Variants in ANKH observed in about 807,000 individuals in gnomAD.
ANKH encodes mineralization regulator ANKH.
In ANKH, 15 loss-of-function variants were observed where a neutral mutation model predicts 49.0. The ratio of observed to expected loss-of-function variants is 0.31; its 90% CI spans 0.20 to 0.47. ANKH has a LOEUF of 0.47. Among genes scored for constraint, ANKH ranks in the 20% least tolerant of loss-of-function variants. The pLI, the probability that ANKH is intolerant of heterozygous loss-of-function variation, is 1.00. For synonymous variants in ANKH, 273 were observed against 260.0 expected (o/e 1.05, Z -0.48); for missense variants, 429 against 652.0 (o/e 0.66, Z 3.72).
chr5:14,717,376 CAGA>C (rs1737509568), intron 8 of ANKH, among the ~76,000 whole-genome samples: 1 of 152,146 alleles, frequency 6.6e-6, no homozygotes, highest in African/African-American at 2.4e-5. Flanking sequence ...GAGACAGCAA[CAGA>C]ATGTGGAACT....
At chr5:14,870,907 T>A (rs895119772) in intron 1 of ANKH, 22 of 353,268 alleles carry the variant, frequency 6.2e-5, no homozygotes, top group Non-Finnish European at 1.1e-4. Context: ...ACGAAACAAA[T>A]GTTTAAAAAT....
At chr5:14,808,428 T>A (rs758190183) in intron 1 of ANKH, among the ~76,000 whole-genome samples, 8 of 152,176 alleles carry the variant, frequency 5.3e-5, no homozygotes, top group Non-Finnish European at 8.8e-5. Context: ...TCCTACTCAT[T>A]CTCATCACTT....
rs574451948 is a variant in ANKH at position 14,858,519 on chromosome 5, A to G, written c.96+12833T>C. Among the ~76,000 whole-genome samples the G allele has an allele frequency of 3.3e-5, 5 of 152,196 alleles. No homozygotes were observed. The South Asian group carries it at 1.0e-3, about 32-fold the overall frequency. On this transcript the variant is annotated intron_variant, in intron 1 of 11. Transcript: ENST00000284268. ...GATCACAAGGTCAGGAGTTTGAGAT[A>G]AGCCTGGCCAGCATGGCGAAACCCC...
At position 14,713,919 on chromosome 5, in the gene ANKH, C is replaced by T. The variant is rs986849822; in HGVS notation, c.1142-252G>A. 1.3e-5 allele frequency among the ~76,000 whole-genome samples: 2 copies of T among 152,262 alleles called. No individual in the cohort carries two copies. The highest frequency in any genetic ancestry group is 2.4e-5 in the African/African-American group (1 of 41,480). ...CTGGGACCAGGCAGGCTCCTTTCTC[C>T]ACTGGGACAGCATCTTCCAGGCAGC... On this transcript the variant is annotated intron_variant, in intron 9 of 11. Transcript: ENST00000284268. The surrounding 1 kb of genome is among the most constrained non-coding windows in gnomAD (Gnocchi z 4.4).
At chr5:14,761,711 G>A (rs548969781) in intron 2 of ANKH, among the ~76,000 whole-genome samples, 2 of 147,994 alleles carry the variant, frequency 1.4e-5, no homozygotes, top group South Asian at 4.3e-4. Context: ...GTAAATCAAT[G>A]AGTATTCCCG....
At chr5:14,863,965 A>C (rs1580125342) in intron 1 of ANKH, among the ~76,000 whole-genome samples, 1 of 152,178 alleles carries the variant, frequency 6.6e-6, no homozygotes, top group South Asian at 2.1e-4. Context: ...CTGTAATCCC[A>C]ACAGTTTGGG....
At chr5:14,747,888 G>C (rs367613229) in intron 6 of ANKH, among the ~76,000 whole-genome samples, 2 of 152,042 alleles carry the variant, frequency 1.3e-5, no homozygotes, top group African/African-American at 4.8e-5. Context: ...CCTCTCCCAC[G>C]GCTCCCCTTC....
At chr5:14,815,231 A>C (rs1390352345) in intron 1 of ANKH, among the ~76,000 whole-genome samples, 1 of 152,210 alleles carries the variant, frequency 6.6e-6, no homozygotes, top group Non-Finnish European at 1.5e-5. Flanking sequence ...GATGTCTTCA[A>C]GAGACCACAG....
chr5:14,743,654 T>C (rs1269902679), intron 7 of ANKH, among the ~76,000 whole-genome samples: 1 of 152,190 alleles, frequency 6.6e-6, no homozygotes, highest in African/African-American at 2.4e-5. Context: ...ATGCAGCAAA[T>C]TCTGGAAGTC....
chr5:14,804,101 G>A (rs1027276496), intron 1 of ANKH, among the ~76,000 whole-genome samples: 2 of 152,108 alleles, frequency 1.3e-5, no homozygotes, highest in African/African-American at 2.4e-5. Flanking sequence ...TCACCATGTT[G>A]GCCAGGCTGG....
intron 1 of ANKH, among the ~76,000 whole-genome samples, chr5:14,841,414 A>T (rs573389822): frequency 6.6e-6 from 1 of 151,994 alleles, no homozygotes. Flanking sequence ...CTCCTGCCTC[A>T]GCCTCCCAAG....
chr5:14,759,812 A>AG (rs771775587), intron 2 of ANKH, among the ~76,000 whole-genome samples: 1 of 124,456 alleles, frequency 8.0e-6, no homozygotes, highest in South Asian at 3.1e-4. Context: ...AGGGAAGGGG[A>AG]GGGAAAAAAA....
intron 1 of ANKH, among the ~76,000 whole-genome samples, chr5:14,854,175 A>C (rs182806218): frequency 6.6e-5 from 10 of 152,378 alleles, no homozygotes; most frequent in Admixed American, 3.3e-4. Context: ...TAGCATTTGC[A>C]GGTAGGAAAA....
intron 1 of ANKH, among the ~76,000 whole-genome samples, chr5:14,778,638 C>T (rs1739708720): frequency 6.6e-6 from 1 of 152,208 alleles, no homozygotes; most frequent in African/African-American, 2.4e-5. Context: ...AAGCTTGTCA[C>T]TCTCTCGACT....
chr5:14,746,885 T>C (rs1057384893), intron 6 of ANKH, among the ~76,000 whole-genome samples: 1 of 152,206 alleles, frequency 6.6e-6, no homozygotes, highest in East Asian at 1.9e-4. Context: ...AAGTGTAGGC[T>C]ATGAAGATGG....
At chr5:14,772,715 C>T (rs970367755) in intron 1 of ANKH, among the ~76,000 whole-genome samples, 5 of 152,298 alleles carry the variant, frequency 3.3e-5, no homozygotes, top group Non-Finnish European at 7.4e-5. Flanking sequence ...CAATTAATTC[C>T]CTTTGGCCTT....
At chr5:14,793,360 C>T (rs900681711) in intron 1 of ANKH, among the ~76,000 whole-genome samples, 2 of 151,812 alleles carry the variant, frequency 1.3e-5, no homozygotes, top group Admixed American at 6.6e-5. Context: ...GACCTAACCC[C>T]TAAATGTTCC....
At chr5:14,794,336 T>C (rs977495077) in intron 1 of ANKH, among the ~76,000 whole-genome samples, 5 of 152,222 alleles carry the variant, frequency 3.3e-5, no homozygotes, top group East Asian at 1.9e-4. Flanking sequence ...GATGTAACTA[T>C]AGTGGGGACC....
In ANKH at chr5:14,783,323, CACACACA is replaced by C. The variant is rs1739867629; in HGVS notation, c.97-14139_97-14133del. ...ACACACACACACACACACACACACA[CACACACA>C]CCACACATGGAGATAGGAATCTCAG... On this transcript the variant is annotated intron_variant, in intron 1 of 11. Coordinates refer to ENST00000284268, the MANE Select transcript of ANKH (RefSeq NM_054027.6). Among the ~76,000 whole-genome samples the C allele has an allele frequency of 2.7e-5, 4 of 149,028 alleles. No homozygotes were observed. In the East Asian group the frequency reaches 8.1e-4, roughly 30 times the overall value.
Sources: allele counts gnomAD v4.1 joint callset (sites outside exome capture counted in the v4.1 genomes callset), GRCh38; gene constraint gnomAD v4.1.1; non-coding constraint Gnocchi (gnomAD v3.1); transcripts MANE v1.5; gene names NCBI Gene and HGNC (gene_info 2026-07-23, HGNC 2026-07-21).